Variants in ODR4 observed in about 807,000 individuals in gnomAD.
ODR4 encodes protein odr-4 homolog.
In ODR4, 47 loss-of-function variants were observed where a neutral mutation model predicts 60.2. The ratio of observed to expected loss-of-function variants is 0.78; its 90% CI spans 0.62 to 1.00. ODR4 has a LOEUF of 1.00. Among genes scored for constraint, ODR4 ranks in the 50% least tolerant of loss-of-function variants. The pLI, the probability that ODR4 is intolerant of heterozygous loss-of-function variation, is 0.00. For missense variants in ODR4, 488 were observed against 530.8 expected (o/e 0.92, Z 0.79); for synonymous variants, 178 against 175.5 (o/e 1.01, Z -0.11).
chr1:186,427,718 A>AG, the ODR4 span, among the ~76,000 whole-genome samples: 26 of 152,220 alleles, frequency 1.7e-4, no homozygotes, highest in African/African-American at 6.0e-4. Flanking sequence ...CAGAGGAATC[A>AG]CTATCTTTGG....
the ODR4 span, among the ~76,000 whole-genome samples, chr1:186,432,150 G>A: frequency 6.6e-6 from 1 of 152,126 alleles, no homozygotes; most frequent in African/African-American, 2.4e-5. Flanking sequence ...AGCAACTAAA[G>A]ACATTAAGGC....
chr1:186,409,639 G>A (rs1194317542), intron 12 of ODR4, among the ~76,000 whole-genome samples: 3 of 152,142 alleles, frequency 2.0e-5, no homozygotes, highest in Non-Finnish European at 4.4e-5. Flanking sequence ...TCTGCCTCCC[G>A]GGTTCAAGCG....
intron 2 of ODR4, 55 bp from the exon 3 acceptor site, chr1:186,382,967 A>G (rs1660096615): frequency 2.0e-6 from 3 of 1,526,332 alleles, no homozygotes; most frequent in Non-Finnish European, 2.6e-6. Flanking sequence ...TATCACTCTA[A>G]TTAGATTGAG....
chr1:186,418,760 C>G (rs1414236037), intron 13 of ODR4, among the ~76,000 whole-genome samples: 1 of 152,210 alleles, frequency 6.6e-6, no homozygotes, highest in Non-Finnish European at 1.5e-5. Flanking sequence ...TTAGATACGT[C>G]TCAGTGCACA....
intron 10 of ODR4, 64 bp from the exon 11 acceptor site, chr1:186,398,890 T>C (rs1014664118): frequency 1.7e-6 from 2 of 1,199,818 alleles, no homozygotes; most frequent in Non-Finnish European, 2.3e-6. Flanking sequence ...TTTTTGTTAG[T>C]TAAATATTGT....
rs746276437 is a variant in ODR4, at chr1:186,406,234, A to G, written c.1152A>G (p.Ile384Met). 1.6e-5 allele frequency: 25 copies of G among 1,606,730 alleles called. No individual in the cohort carries two copies. Among genetic ancestry groups the G allele is most frequent in the African/African-American group, 1.1e-4 (8 of 74,488 alleles). Reference protein sequence around the residue: ...FMEMLDHTIQIEDLEIAEETN... With the variant: ...FMEMLDHTIQMEDLEIAEETN... The stretch of plus-strand genomic sequence containing the variant: ...AGATGTTGGATCACACAATTCAAAT[A>G]GAAGATTTGGAAATTGCAGAGGAAA... The change falls in exon 12 of 14, where the codon ATA (isoleucine) becomes ATG (methionine). Residue 384 changes from isoleucine (I) to methionine (M), a missense_variant. Transcript: ENST00000287859.
intron 4 of ODR4, among the ~76,000 whole-genome samples, chr1:186,387,349 G>A (rs992121291): frequency 6.6e-6 from 1 of 152,050 alleles, no homozygotes; most frequent in Non-Finnish European, 1.5e-5. Context: ...AAATTTAACC[G>A]AAATCTATGC....
At chr1:186,433,162 G>A in the ODR4 span, among the ~76,000 whole-genome samples, 1 of 152,070 alleles carries the variant, frequency 6.6e-6, no homozygotes, top group East Asian at 1.9e-4. Flanking sequence ...ATTTATGCAT[G>A]TACTTATTTC....
the ODR4 span, among the ~76,000 whole-genome samples, chr1:186,433,820 C>A: frequency 6.6e-6 from 1 of 152,134 alleles, no homozygotes; most frequent in Non-Finnish European, 1.5e-5. Flanking sequence ...CTCAGGTGAT[C>A]CACCCACCTC....
intron 12 of ODR4, among the ~76,000 whole-genome samples, chr1:186,413,918 CTCTT>C (rs1398882356): frequency 2.0e-5 from 3 of 152,144 alleles, no homozygotes; most frequent in African/African-American, 7.2e-5. Flanking sequence ...TGTTTTCTCT[CTCTT>C]TTTGACAGCT....
intron 8 of ODR4, 144 bp from the exon 9 acceptor site, chr1:186,393,803 A>G (rs547223883): frequency 1.7e-6 from 1 of 600,748 alleles, no homozygotes; most frequent in South Asian, 2.0e-5. Flanking sequence ...TACATAAAGT[A>G]ATATCTATAT....
At chr1:186,404,667 C>T (rs1661107919) in intron 11 of ODR4, among the ~76,000 whole-genome samples, 1 of 152,168 alleles carries the variant, frequency 6.6e-6, no homozygotes, top group South Asian at 2.1e-4. Flanking sequence ...ATTTCTCTCC[C>T]AGTTCTCATG....
At chr1:186,428,075 A>G in the ODR4 span, among the ~76,000 whole-genome samples, 4 of 152,318 alleles carry the variant, frequency 2.6e-5, no homozygotes, top group African/African-American at 9.6e-5. Context: ...GCTTCAACTT[A>G]AAGTCACCAG....
intron 8 of ODR4, among the ~76,000 whole-genome samples, chr1:186,393,219 A>G (rs1660535705): frequency 6.6e-6 from 1 of 152,206 alleles, no homozygotes; most frequent in Non-Finnish European, 1.5e-5. Flanking sequence ...CCGTATATCA[A>G]ACCCCCATGA....
intron 2 of ODR4, among the ~76,000 whole-genome samples, chr1:186,381,712 T>A (rs1299016631): frequency 2.6e-5 from 4 of 152,220 alleles, no homozygotes; most frequent in Non-Finnish European, 4.4e-5. Flanking sequence ...TTCTACGTGC[T>A]TTTTCTTCCA....
Position 186,389,437 on chromosome 1 carries a change from CAT to C in ODR4, c.438-150_438-149del, listed in dbSNP as rs3834040. The C allele has an allele frequency of 5.2e-4, 318 of 608,828 alleles. 1 individual carries two copies. The East Asian group carries it at 8.1e-3, about 16-fold the overall frequency. The allele number at this position is 608,828 out of a possible 1,614,324, so 37.7% of individuals were successfully genotyped here. A position where few individuals can be genotyped will look rare whatever the true frequency, so the allele number is the denominator to read the frequency against. On this transcript the variant is annotated intron_variant, in intron 5 of 13. Transcript: ENST00000287859. ...ATACACATATGTATATATATGCACA[CAT>C]GTACATATATGTACGCATATCTTTA...
At chr1:186,389,557 T>C (rs1459986417) in intron 5 of ODR4, 31 bp from the exon 6 acceptor site, 7 of 1,501,214 alleles carry the variant, frequency 4.7e-6, no homozygotes, top group Admixed American at 2.1e-5. Context: ...ATAATGCCTT[T>C]TTTGGTTATT....
At chr1:186,379,444 A>C (rs1380132769) in intron 1 of ODR4, among the ~76,000 whole-genome samples, 1 of 122,006 alleles carries the variant, frequency 8.2e-6, no homozygotes, top group East Asian at 2.1e-4. Flanking sequence ...ACTCCGTCTC[A>C]AAAAAAAAAA....
At chr1:186,405,936 AT>A (rs1661158569) in intron 11 of ODR4, 146 bp from the exon 12 acceptor site, 1 of 558,558 alleles carries the variant, frequency 1.8e-6, no homozygotes, top group African/African-American at 2.0e-5. Context: ...GGTAAGAGCA[AT>A]TTTGTGCCAG....
Sources: gnomAD v4.1 joint callset for allele counts (sites outside exome capture counted in the v4.1 genomes callset) on GRCh38, gnomAD v4.1.1 for gene constraint, MANE v1.5 for transcripts, NCBI Gene and HGNC (gene_info 2026-07-23, HGNC 2026-07-21) for gene names.